SLC41A3: variants seen among roughly 807,000 people sequenced by gnomAD.
SLC41A3 encodes the protein solute carrier family 41 member 3, also known as SLC41A1-like 2.
Under a neutral mutation model 45.4 loss-of-function variants are expected in SLC41A3, and 44 were observed. That is an observed-to-expected ratio of 0.97 (90% CI 0.76 to 1.25). The LOEUF is 1.25. Among genes scored for constraint, SLC41A3 ranks in the 50% most tolerant of loss-of-function variants. SLC41A3 has a pLI of 0.00. For synonymous variants in SLC41A3, 256 were observed against 252.4 expected (o/e 1.01, Z -0.13); for missense variants, 550 against 600.6 (o/e 0.92, Z 0.88).
Position 126,026,125 on chromosome 3 carries a change from G to A in SLC41A3, c.598+210C>T, listed in dbSNP as rs952184653. On this transcript the variant is annotated intron_variant, in intron 5 of 10. Transcript: ENST00000360370. The surrounding 1 kb of genome is among the most constrained non-coding windows in gnomAD (Gnocchi z 4.2). ...AGCAGAGGCGAGTGGTGGCAGGAGC[G>A]GCACACACCCCTGCCTGGGTGAGGG... 2.4e-4 allele frequency among the ~76,000 whole-genome samples: 36 copies of A among 152,248 alleles called. No individual in the cohort carries two copies. Among genetic ancestry groups the A allele is most frequent in the African/African-American group, 4.8e-4 (20 of 41,544 alleles).
At chr3:126,020,313 G>A (rs1356358084) in intron 6 of SLC41A3, among the ~76,000 whole-genome samples, 1 of 151,930 alleles carries the variant, frequency 6.6e-6, no homozygotes. Context: ...TGGGAGGGGG[G>A]GCCTCAAAAA....
rs776770653 is a variant in SLC41A3, at chr3:126,012,683, G to A, written c.1037C>T (p.Ala346Val). The A allele has an allele frequency of 6.2e-7, 1 of 1,614,110 alleles. No individual in the cohort carries two copies. ...RISTYLHMWS[A>V]PGVLPLQMKK... is the part of the protein sequence containing the mutation. ...CATCTGGAGGGGCAGGACGCCAGGTGCACTCCACATGTGCAGGTAGGTTGA... is the reference window on the plus strand; with the variant it reads ...CATCTGGAGGGGCAGGACGCCAGGTACACTCCACATGTGCAGGTAGGTTGA... Residue 346 changes from alanine to valine, a missense_variant, in exon 9 of 11, where the codon GCA becomes GTA. Physicochemically the swap from Ala to Val is moderately conservative, Grantham distance 64. Transcript: ENST00000360370.
intron 1 of SLC41A3, chr3:126,073,011 A>G (rs1944698980): frequency 6.6e-6 from 1 of 152,244 alleles, no homozygotes. Context: ...AACCTAATGC[A>G]GAAACAGAAA....
intron 3 of SLC41A3, among the ~76,000 whole-genome samples, chr3:126,035,851 G>A (rs7616629): frequency 0.054 from 8,281 of 152,104 alleles, 706 homozygotes; most frequent in African/African-American, 0.18. Context: ...GGGCTCTCGG[G>A]GGAGCAGGTC....
chr3:126,012,495 T>C, intron 9 of SLC41A3, 120 bp downstream of exon 9: 1 of 1,311,626 alleles, frequency 7.6e-7, no homozygotes, highest in Non-Finnish European at 1.1e-6. Context: ...GAAGGTGATG[T>C]GTGCCGAGAT....
chr3:126,101,438 T>C (rs879812310), exon 1 of SLC41A3: 5 of 152,220 alleles, frequency 3.3e-5, no homozygotes, highest in Non-Finnish European at 5.9e-5. Context: ...CCTTACACTT[T>C]CAGGAGAATT....
At chr3:126,091,917 T>C (rs1421427044) in intron 1 of SLC41A3, among the ~76,000 whole-genome samples, 1 of 152,202 alleles carries the variant, frequency 6.6e-6, no homozygotes, top group African/African-American at 2.4e-5. Context: ...CAGCTGTGCC[T>C]GAATCCAAAC....
intron 1 of SLC41A3, among the ~76,000 whole-genome samples, chr3:126,089,903 T>C (rs1945457047): frequency 6.6e-6 from 1 of 151,940 alleles, no homozygotes; most frequent in South Asian, 2.1e-4. Flanking sequence ...CTGGGAGGAG[T>C]TGCTGGATTC....
At chr3:126,007,304 A>C in intron 10 of SLC41A3, 79 bp from the exon 11 acceptor site, 30 of 1,469,262 alleles carry the variant, frequency 2.0e-5, no homozygotes, top group African/African-American at 2.8e-5. Flanking sequence ...GCTGAGGCTC[A>C]AGGAGAGATA....
chr3:126,020,029 C>A (rs563821833), intron 6 of SLC41A3, among the ~76,000 whole-genome samples: 33 of 152,238 alleles, frequency 2.2e-4, no homozygotes, highest in Admixed American at 1.9e-3. Flanking sequence ...GGACAAAATA[C>A]TTCCAAAACT....
chr3:126,061,752 A>T (rs749972273), intron 2 of SLC41A3, among the ~76,000 whole-genome samples: 2 of 152,064 alleles, frequency 1.3e-5, no homozygotes, highest in Admixed American at 6.5e-5. Context: ...GACTGAGGAC[A>T]CCTGGCCAGC....
chr3:126,082,077 T>G (rs1379572031), intron 1 of SLC41A3, among the ~76,000 whole-genome samples: 4 of 152,230 alleles, frequency 2.6e-5, no homozygotes, highest in Non-Finnish European at 5.9e-5. Flanking sequence ...CTGTGCCCCT[T>G]GCAGGGTGGG....
intron 2 of SLC41A3, among the ~76,000 whole-genome samples, chr3:126,065,086 C>T (rs147104865): frequency 6.6e-6 from 1 of 152,356 alleles, no homozygotes; most frequent in Non-Finnish European, 1.5e-5. Flanking sequence ...AATGGAACTG[C>T]AGTCCTTCAA....
intron 1 of SLC41A3, among the ~76,000 whole-genome samples, chr3:126,081,296 A>C (rs7624939): frequency 1.4e-3 from 212 of 151,650 alleles, no homozygotes; most frequent in African/African-American, 4.5e-3. Flanking sequence ...CTCATATGTG[A>C]GCGCTGAAGG....
At chr3:126,092,107 G>C (rs1945499228) in intron 1 of SLC41A3, among the ~76,000 whole-genome samples, 1 of 152,124 alleles carries the variant, frequency 6.6e-6, no homozygotes, top group African/African-American at 2.4e-5. Flanking sequence ...CTGGGAACAG[G>C]CCCCCCAAAA....
chr3:126,089,245 T>C (rs904958875), upstream of SLC41A3, among the ~76,000 whole-genome samples: 3 of 152,132 alleles, frequency 2.0e-5, no homozygotes, highest in Non-Finnish European at 4.4e-5. Context: ...TTGCTATCCC[T>C]CATGAGTTTT....
upstream of SLC41A3, among the ~76,000 whole-genome samples, chr3:126,087,516 C>G (rs1297257058): frequency 1.3e-5 from 2 of 151,450 alleles, no homozygotes; most frequent in Non-Finnish European, 3.0e-5. Context: ...ATATCTTTTT[C>G]TAATTCAAAG....
chr3:126,027,124 T>G (rs1293447960), intron 4 of SLC41A3, among the ~76,000 whole-genome samples: 1 of 151,784 alleles, frequency 6.6e-6, no homozygotes, highest in Non-Finnish European at 1.5e-5. Flanking sequence ...GGGAGAAGAG[T>G]GATATGGTTT....
intron 5 of SLC41A3, chr3:126,024,402 C>T (rs940510494): frequency 2.6e-5 from 4 of 152,274 alleles, no homozygotes; most frequent in Non-Finnish European, 5.9e-5. Context: ...ACATTCATCC[C>T]GCCCCATCTG....
Sources: allele counts gnomAD v4.1 joint callset (sites outside exome capture counted in the v4.1 genomes callset), GRCh38; gene constraint gnomAD v4.1.1; non-coding constraint Gnocchi (gnomAD v3.1); transcripts MANE v1.5; gene names NCBI Gene and HGNC (gene_info 2026-07-23, HGNC 2026-07-21).